Variants in ADAMTSL1 observed in about 807,000 individuals in gnomAD.
ADAMTSL1 encodes ADAMTS like 1.
A neutral mutation model predicts 201.8 loss-of-function variants in ADAMTSL1; 126 were observed. The ratio of observed to expected loss-of-function variants is 0.62; its 90% CI spans 0.54 to 0.72. The LOEUF is 0.72. Ranked by LOEUF, ADAMTSL1 falls within the 30% of genes least tolerant of loss-of-function variation. The pLI is 0.00. For synonymous variants in ADAMTSL1, 1,121 were observed against 903.4 expected (o/e 1.24, Z -4.32); for missense variants, 2,679 against 2,277.8 (o/e 1.18, Z -3.59).
chr9:18,630,750 T>C (rs150639202), intron 5 of ADAMTSL1, among the ~76,000 whole-genome samples: 35 of 152,346 alleles, frequency 2.3e-4, no homozygotes, highest in African/African-American at 8.4e-4. Flanking sequence ...ATCTGGTTCC[T>C]GTTAGTTCAT....
intron 2 of ADAMTSL1, among the ~76,000 whole-genome samples, chr9:18,452,285 C>G (rs1820438091): frequency 6.6e-6 from 1 of 152,154 alleles, no homozygotes; most frequent in Non-Finnish European, 1.5e-5. Context: ...GTAATCCATT[C>G]ACAAGGGCAG....
rs149681482 is a variant in ADAMTSL1, at chr9:17,930,310, C to A, written c.87+23388C>A. On this transcript the variant is annotated intron_variant, in intron 1 of 29. Transcript: ENST00000680146. The stretch of plus-strand genomic sequence containing the variant: ...CACCCTGGTGCCTGTATCTGGATGA[C>A]ATATGGGGGAAGGGAATGTTGAGAA... 5.8e-3 allele frequency among the ~76,000 whole-genome samples: 889 copies of A among 152,068 alleles called. 10 individuals are homozygous for A. Among genetic ancestry groups the A allele is most frequent in the African/African-American group, 0.02 (831 of 41,492 alleles).
chr9:18,899,056 T>G (rs1032529691), intron 26 of ADAMTSL1, among the ~76,000 whole-genome samples: 4 of 152,198 alleles, frequency 2.6e-5, no homozygotes, highest in African/African-American at 9.7e-5. Context: ...TCCCATCGTC[T>G]CAGCCCAAAA....
At chr9:18,242,271 T>C (rs1161641820) in intron 2 of ADAMTSL1, among the ~76,000 whole-genome samples, 1 of 152,154 alleles carries the variant, frequency 6.6e-6, no homozygotes, top group East Asian at 1.9e-4. Flanking sequence ...CACATGATTG[T>C]CTCACTTGAT....
intron 2 of ADAMTSL1, among the ~76,000 whole-genome samples, chr9:18,228,420 A>G (rs912762217): frequency 6.6e-6 from 1 of 151,856 alleles, no homozygotes; most frequent in African/African-American, 2.4e-5. Flanking sequence ...TCCTTCTATT[A>G]TTTATTCTTA....
chr9:18,712,002 G>T (rs1337013697), intron 14 of ADAMTSL1, among the ~76,000 whole-genome samples: 71 of 152,180 alleles, frequency 4.7e-4, no homozygotes, highest in Non-Finnish European at 6.3e-4. Flanking sequence ...CACCTCACAC[G>T]GCCGGGTACT....
intron 1 of ADAMTSL1, among the ~76,000 whole-genome samples, chr9:18,009,442 A>G (rs1819964273): frequency 3.3e-5 from 5 of 151,924 alleles, no homozygotes; most frequent in Admixed American, 3.3e-4. Context: ...TGTCTTATTC[A>G]CTGCTGTACT....
At position 18,684,412 on chromosome 9, in the gene ADAMTSL1, C is replaced by T. The variant is rs868217803; in HGVS notation, c.1490-304C>T. Among the ~76,000 whole-genome samples the T allele has an allele frequency of 4.6e-5, 7 of 152,244 alleles. No individual in the cohort carries two copies. In the South Asian group the frequency reaches 1.5e-3, roughly 32 times the overall value. ...AAGAGGGAATGGTAAAAAGATACTT[C>T]GATGATTCTTTATATGCATATTGAG... On this transcript the variant is annotated intron_variant, in intron 12 of 28. Coordinates refer to ENST00000380548, the MANE Select transcript of ADAMTSL1 (RefSeq NM_001040272.6).
chr9:18,655,711 T>C (rs576767878), intron 7 of ADAMTSL1, among the ~76,000 whole-genome samples: 1 of 151,590 alleles, frequency 6.6e-6, no homozygotes, highest in Admixed American at 6.6e-5. Context: ...TCTTTTATTT[T>C]TTCATGAATC....
intron 1 of ADAMTSL1, among the ~76,000 whole-genome samples, chr9:18,141,250 T>A (rs1826386097): frequency 6.6e-6 from 1 of 150,384 alleles, no homozygotes; most frequent in Non-Finnish European, 1.5e-5. Flanking sequence ...GGGAGGAGAG[T>A]GGAAGAGCAG....
At chr9:17,985,355 A>G (rs1563934024) in intron 1 of ADAMTSL1, among the ~76,000 whole-genome samples, 1 of 152,150 alleles carries the variant, frequency 6.6e-6, no homozygotes, top group Non-Finnish European at 1.5e-5. Flanking sequence ...TAAAATGTTA[A>G]AACATTAACA....
chr9:18,815,042 A>G (rs1237484949), intron 20 of ADAMTSL1, among the ~76,000 whole-genome samples: 1 of 152,204 alleles, frequency 6.6e-6, no homozygotes, highest in Non-Finnish European at 1.5e-5. Flanking sequence ...GGTACTATCA[A>G]AAAGACAAAA....
intron 3 of ADAMTSL1, among the ~76,000 whole-genome samples, chr9:18,535,041 T>G (rs995902129): frequency 4.6e-5 from 7 of 152,206 alleles, no homozygotes; most frequent in African/African-American, 1.7e-4. Context: ...CCTCATTACT[T>G]GTGCAAATTT....
chr9:18,622,354 C>G lies in ADAMTSL1; in HGVS notation c.586C>G (p.Leu196Val). The G allele has an allele frequency of 6.2e-7, 1 of 1,614,076 alleles. No individual in the cohort carries two copies. Among genetic ancestry groups the G allele is most frequent in the Middle Eastern group, 1.7e-4 (1 of 6,060 alleles). ...GGTCCGAGGGCAGTATAAATCCCAGCTCTCCGCAACCAAATGTAAGACACA... is the reference window on the plus strand; with the variant it reads ...GGTCCGAGGGCAGTATAAATCCCAGGTCTCCGCAACCAAATGTAAGACACA... ...RLVRGQYKSQLSATKSDDTVV... is the reference protein window; with the variant it reads ...RLVRGQYKSQVSATKSDDTVV... The change falls in exon 5 of 29, where the codon CTC (leucine) becomes GTC (valine). Residue 196 changes from leucine (L) to valine (V), a missense_variant. Coordinates refer to ENST00000380548, the MANE Select transcript of ADAMTSL1 (RefSeq NM_001040272.6).
intron 1 of ADAMTSL1, among the ~76,000 whole-genome samples, chr9:17,929,262 A>T (rs1273905194): frequency 1.3e-5 from 2 of 152,056 alleles, no homozygotes; most frequent in Non-Finnish European, 2.9e-5. Flanking sequence ...AGTATTTCTC[A>T]GCCTTTTCGT....
At chr9:18,282,073 A>G (rs1282034942) in intron 2 of ADAMTSL1, among the ~76,000 whole-genome samples, 1 of 152,122 alleles carries the variant, frequency 6.6e-6, no homozygotes, top group Admixed American at 6.6e-5. Flanking sequence ...AATAGTGGAC[A>G]CCGTACCTAA....
At chr9:17,986,783 A>C (rs1316012909) in intron 1 of ADAMTSL1, among the ~76,000 whole-genome samples, 2 of 152,112 alleles carry the variant, frequency 1.3e-5, no homozygotes, top group Non-Finnish European at 2.9e-5. Flanking sequence ...TTTGGCCTTA[A>C]AAATTTTATT....
intron 2 of ADAMTSL1, among the ~76,000 whole-genome samples, chr9:18,297,321 C>A (rs1415369402): frequency 6.6e-6 from 1 of 151,776 alleles, no homozygotes; most frequent in Non-Finnish European, 1.5e-5. Flanking sequence ...TCGTTTTACT[C>A]TCAATGGTTA....
chr9:17,949,146 A>T (rs919059170), intron 1 of ADAMTSL1, among the ~76,000 whole-genome samples: 5 of 152,228 alleles, frequency 3.3e-5, no homozygotes, highest in African/African-American at 1.2e-4. Flanking sequence ...AACACTTAAA[A>T]TACACATAAA....
Sources: allele counts gnomAD v4.1 joint callset (sites outside exome capture counted in the v4.1 genomes callset), GRCh38; gene constraint gnomAD v4.1.1; transcripts MANE v1.5; gene names NCBI Gene and HGNC (gene_info 2026-07-23, HGNC 2026-07-21).